Variants in CUBN observed in about 807,000 individuals in gnomAD.
The protein encoded by CUBN is cubilin, also known as 460 kDa receptor.
CUBN carries 282 observed loss-of-function variants against 405.3 expected under a neutral mutation model. The observed-to-expected ratio is 0.70, with a 90% CI of 0.63 to 0.77. The LOEUF is 0.77. Ranked by LOEUF, CUBN falls within the 30% of genes least tolerant of loss-of-function variation. CUBN has a pLI of 0.00. For synonymous variants in CUBN, 1,684 were observed against 1,617.0 expected (o/e 1.04, Z -0.99); for missense variants, 4,514 against 4,475.2 (o/e 1.01, Z -0.25).
At chr10:16,874,546 T>A in intron 57 of CUBN, 43 bp from the exon 58 acceptor site, 1 of 1,612,068 alleles carries the variant, frequency 6.2e-7, no homozygotes, top group South Asian at 1.1e-5. Flanking sequence ...CAACGATTAG[T>A]CCCAGCATGG....
chr10:17,028,877 T>C (rs974792761), intron 27 of CUBN, among the ~76,000 whole-genome samples: 1 of 152,218 alleles, frequency 6.6e-6, no homozygotes, highest in Admixed American at 6.5e-5. Context: ...TATAGTTAAC[T>C]GAAACCCACA....
intron 35 of CUBN, 39 bp downstream of exon 35, chr10:16,948,419 ACCAAGAATTTCTACCACATC>A: frequency 6.2e-7 from 1 of 1,610,706 alleles, no homozygotes; most frequent in Non-Finnish European, 8.5e-7. Context: ...CCAATAACAA[ACCAAGAATTTCTACCACATC>A]CCTTTTAACC....
chr10:17,115,209 A>C (rs1242106337), intron 7 of CUBN, among the ~76,000 whole-genome samples: 1 of 144,500 alleles, frequency 6.9e-6, no homozygotes, highest in East Asian at 2.0e-4. Context: ...GTGCCACTGC[A>C]CTCCAGCCTG....
At chr10:17,093,500 G>A (rs57722330) in intron 14 of CUBN, among the ~76,000 whole-genome samples, 3,531 of 152,106 alleles carry the variant, frequency 0.023, 141 homozygotes, top group African/African-American at 0.078. Context: ...ATTTGAAATA[G>A]GTCCCCTGTA....
chr10:17,099,398 C>T (rs572803920), intron 14 of CUBN, among the ~76,000 whole-genome samples: 7 of 152,196 alleles, frequency 4.6e-5, no homozygotes, highest in Admixed American at 4.6e-4. Flanking sequence ...CTCAATATTC[C>T]TGCAGTAAAC....
At chr10:16,908,053 A>G (rs78739898) in intron 48 of CUBN, among the ~76,000 whole-genome samples, 1,638 of 152,328 alleles carry the variant, frequency 0.011, 28 homozygotes, top group African/African-American at 0.038. Flanking sequence ...ATGCATCAGG[A>G]CATTTGTTAC....
chr10:17,012,631 C>T (rs890832427), intron 28 of CUBN, among the ~76,000 whole-genome samples: 1 of 152,188 alleles, frequency 6.6e-6, no homozygotes, highest in African/African-American at 2.4e-5. Context: ...AGTAGAAAAC[C>T]TTGTAAGTTT....
At chr10:17,083,641 G>C (rs1373464543) in intron 17 of CUBN, among the ~76,000 whole-genome samples, 2 of 152,088 alleles carry the variant, frequency 1.3e-5, no homozygotes, top group Non-Finnish European at 2.9e-5. Context: ...GAAAGAAGAG[G>C]ACAGGAGGTC....
chr10:17,063,224 T>G (rs1835540318), intron 22 of CUBN, among the ~76,000 whole-genome samples: 1 of 152,190 alleles, frequency 6.6e-6, no homozygotes, highest in Non-Finnish European at 1.5e-5. Context: ...GAAGGTGTGT[T>G]GTGTCTTCCT....
At chr10:16,869,136 A>G (rs1290104146) in intron 59 of CUBN, among the ~76,000 whole-genome samples, 2 of 148,706 alleles carry the variant, frequency 1.3e-5, no homozygotes, top group East Asian at 4.0e-4. Context: ...AGGTTCTTCT[A>G]GCCTTCCTCC....
intron 28 of CUBN, among the ~76,000 whole-genome samples, chr10:16,995,494 AT>A (rs998959884): frequency 7.3e-5 from 11 of 149,692 alleles, no homozygotes; most frequent in African/African-American, 2.2e-4. Context: ...CTATCTTTAC[AT>A]TTTTTTTTTA....
chr10:16,931,537 G>A (rs1359862145), intron 40 of CUBN, among the ~76,000 whole-genome samples: 1 of 152,192 alleles, frequency 6.6e-6, no homozygotes, highest in Non-Finnish European at 1.5e-5. Flanking sequence ...GCCGCCCTGT[G>A]CCTGAGCAAG....
chr10:17,091,153 G>A (rs1442393884), intron 14 of CUBN, among the ~76,000 whole-genome samples: 2 of 152,114 alleles, frequency 1.3e-5, no homozygotes, highest in East Asian at 3.9e-4. Flanking sequence ...AAGGTAACTG[G>A]AGTTTGGTTA....
intron 24 of CUBN, among the ~76,000 whole-genome samples, chr10:17,045,474 C>T (rs372174935): frequency 2.0e-5 from 3 of 151,606 alleles, no homozygotes; most frequent in South Asian, 2.1e-4. Context: ...ATTCTCCTGC[C>T]TCAGCCTCCC....
At chr10:16,860,056 T>G (rs1815210870) in intron 59 of CUBN, among the ~76,000 whole-genome samples, 1 of 152,092 alleles carries the variant, frequency 6.6e-6, no homozygotes. Flanking sequence ...AGTCACAGGA[T>G]GTATAAATAA....
At position 16,956,817 on chromosome 10, in the gene CUBN, T is replaced by C. The variant is rs112967855; in HGVS notation, c.4696-2269A>G. Among the ~76,000 whole-genome samples, 846 of 152,284 alleles carry C rather than the reference T, an allele frequency of 5.6e-3. 11 individuals are homozygous for C. Among genetic ancestry groups the C allele is most frequent in the African/African-American group, 0.02 (811 of 41,574 alleles). On this transcript the variant is annotated intron_variant, in intron 31 of 66. Transcript: ENST00000377833. ...ATTTATTTGTTTAGAATAGCATTTT[T>C]TCATTTTTATAAAAGTTTAAGATTC...
Position 16,840,965 on chromosome 10 carries a change from C to T in CUBN, c.9746G>A (p.Gly3249Asp). 2 of 1,613,972 alleles carry T rather than the reference C, an allele frequency of 1.2e-6. No homozygotes were observed. Among genetic ancestry groups the T allele is most frequent in the Non-Finnish European group, 1.7e-6 (2 of 1,179,920 alleles). Residue 3249 changes from glycine to aspartate, a missense_variant, in exon 61 of 67, where the codon GGT becomes GAT. Gly to Asp is a moderately conservative substitution (Grantham distance 94, BLOSUM62 -1). Coordinates refer to ENST00000377833, the MANE Select transcript of CUBN (RefSeq NM_001081.4). The stretch of plus-strand genomic sequence containing the variant: ...GATGAATTGAACCGTAAGGAAGTTA[C>T]CAGAAGAGATAAAAGGAGCAGGTAC... ...STVPAPFISS[G>D]NFLTVQFISD...
chr10:17,129,246 G>A lies in CUBN; in HGVS notation c.127C>T (p.Arg43Ter), dbSNP rs776831476. The change falls in exon 2 of 67, where the codon CGA becomes TGA. Residue 43 changes from arginine (R) to a stop codon, truncating the protein, a stop_gained. Transcript: ENST00000377833. LOFTEE classifies it high-confidence loss of function. ...AAATTTCCTCTCTCTGTAGCCATTCGAGGCCTATATAATTCAAACGAGAGA... is the reference window on the plus strand; with the variant it reads ...AAATTTCCTCTCTCTGTAGCCATTCAAGGCCTATATAATTCAAACGAGAGA... ...QKRSINLQQP[R>*]MATERGNLVF... 9.3e-6 allele frequency: 15 copies of A among 1,613,318 alleles called. No homozygotes were observed. The highest frequency in any genetic ancestry group is 8.5e-6 in the Non-Finnish European group (10 of 1,179,456).
At chr10:16,889,301 C>T (rs10904830) in intron 55 of CUBN, among the ~76,000 whole-genome samples, 8,364 of 152,244 alleles carry the variant, frequency 0.055, 768 homozygotes, top group East Asian at 0.32. Context: ...TCTTTCAGTA[C>T]TTCCTTTCCA....
Sources: allele counts gnomAD v4.1 joint callset (sites outside exome capture counted in the v4.1 genomes callset), GRCh38; gene constraint gnomAD v4.1.1; transcripts MANE v1.5; gene names NCBI Gene and HGNC (gene_info 2026-07-23, HGNC 2026-07-21).